SPEG: variants seen among roughly 807,000 people sequenced by gnomAD.
SPEG encodes the protein striated muscle preferentially expressed protein kinase.
In SPEG, 114 loss-of-function variants were observed where a neutral mutation model predicts 300.4. The ratio of observed to expected loss-of-function variants is 0.38; its 90% CI spans 0.33 to 0.44. The LOEUF (loss-of-function observed/expected upper bound fraction) is 0.44, where lower values mean the gene tolerates loss of function less well. SPEG is among the 20% of genes least tolerant of loss of function. SPEG has a pLI of 1.00. For missense variants in SPEG, 4,201 were observed against 4,586.2 expected (o/e 0.92, Z 2.43); for synonymous variants, 1,964 against 2,018.9 (o/e 0.97, Z 0.73).
chr2:219,462,986 T>G (rs546456858), intron 8 of SPEG, among the ~76,000 whole-genome samples: 2 of 152,000 alleles, frequency 1.3e-5, no homozygotes, highest in African/African-American at 4.8e-5. Context: ...GGAAGGAGGA[T>G]TGCTTGAGCC....
chr2:219,491,207 T>C (rs1004309418), intron 38 of SPEG, among the ~76,000 whole-genome samples: 3 of 152,226 alleles, frequency 2.0e-5, no homozygotes, highest in Non-Finnish European at 2.9e-5. Context: ...TTATAAATGC[T>C]AGAGGCAGGA....
At chr2:219,469,095 A>T (rs1440972915) in intron 12 of SPEG, 47 bp downstream of exon 12, 1 of 1,608,032 alleles carries the variant, frequency 6.2e-7, no homozygotes. Flanking sequence ...GTGAGGGGCC[A>T]GCCCAGCCCT....
rs764886342 is a variant in SPEG at position 219,448,345 on chromosome 2, C to T, written c.1187C>T (p.Ala396Val). 3 of 1,590,696 alleles carry T rather than the reference C, an allele frequency of 1.9e-6. No homozygotes were observed. Among genetic ancestry groups the T allele is most frequent in the Admixed American group, 3.5e-5 (2 of 56,476 alleles). ...GGCCGATCGCCTAGGCTGGTGCGCGCCGGCTCCCGCATCCTGGACAAGCTG... is the reference window on the plus strand; with the variant it reads ...GGCCGATCGCCTAGGCTGGTGCGCGTCGGCTCCCGCATCCTGGACAAGCTG... The part of the protein sequence containing the change: ...ALGRSPRLVR[A>V]GSRILDKLQF... Residue 396 changes from alanine to valine, a missense_variant, in exon 4 of 41, where the codon GCC becomes GTC. Transcript: ENST00000312358.
chr2:219,461,169 C>A, intron 6 of SPEG: 2 of 959,612 alleles, frequency 2.1e-6, no homozygotes, highest in Non-Finnish European at 2.5e-6. Context: ...GGACACCCCT[C>A]CCCCAAGGCT....
At chr2:219,474,032 A>T in intron 18 of SPEG, 129 bp downstream of exon 18, 1 of 858,958 alleles carries the variant, frequency 1.2e-6, no homozygotes, top group South Asian at 1.8e-5. Context: ...AGGCCTGTCC[A>T]TGTCATGGCT....
At chr2:219,471,813 C>A in intron 13 of SPEG, 55 bp from the exon 14 acceptor site, 1 of 1,607,558 alleles carries the variant, frequency 6.2e-7, no homozygotes. Context: ...CATGGGCCTA[C>A]CCCTCAAGGT....
chr2:219,479,086 C>G lies in SPEG; in HGVS notation c.5028-58C>G. The G allele has an allele frequency of 1.3e-6, 2 of 1,520,738 alleles. No homozygotes were observed. Among genetic ancestry groups the G allele is most frequent in the Non-Finnish European group, 1.8e-6 (2 of 1,099,566 alleles). 94.2% of individuals were successfully genotyped at this position (1,520,738 alleles called of 1,614,324 possible). Reference sequence around the variant, plus strand: ...GTGCTGAGCTGGGACCTGCCCTGAGCGCTGGGCTGGGCCGGGCAGTTGGCA... The same window carrying G: ...GTGCTGAGCTGGGACCTGCCCTGAGGGCTGGGCTGGGCCGGGCAGTTGGCA... On this transcript the variant is annotated intron_variant, in intron 22 of 40. Transcript: ENST00000312358. The surrounding 1 kb of genome is among the most constrained non-coding windows in gnomAD (Gnocchi z 5.5).
At chr2:219,469,497 G>A (rs1691681913) in intron 13 of SPEG, 118 bp downstream of exon 13, 1 of 832,918 alleles carries the variant, frequency 1.2e-6, no homozygotes, top group Non-Finnish European at 1.9e-6. Flanking sequence ...CCAGGGACAG[G>A]GTGCCTGGGG....
At position 219,477,551 on chromosome 2, in the gene SPEG, A is replaced by T; in HGVS notation, c.4729+106A>T. The T allele has an allele frequency of 7.2e-7, 1 of 1,392,006 alleles. No homozygotes were observed. Among genetic ancestry groups the T allele is most frequent in the Non-Finnish European group, 9.7e-7 (1 of 1,033,360 alleles). The allele number at this position is 1,392,006 out of a possible 1,614,324, so 86.2% of individuals were successfully genotyped here. On this transcript the variant is annotated intron_variant, in intron 20 of 40. Coordinates refer to ENST00000312358, the MANE Select transcript of SPEG (RefSeq NM_005876.5). The surrounding 1 kb of genome is among the most constrained non-coding windows in gnomAD (Gnocchi z 6.4). The stretch of plus-strand genomic sequence containing the variant: ...GCCAGCCCTGGACTCGAGCCACCAC[A>T]CCCCCAGCCCAGCACCCCGCCTTGA...
chr2:219,453,590 C>T (rs1166356282), intron 6 of SPEG, among the ~76,000 whole-genome samples: 2 of 152,214 alleles, frequency 1.3e-5, no homozygotes, highest in East Asian at 1.9e-4. Context: ...TTTCCCAGCC[C>T]CTGTGTCCTC....
chr2:219,485,526 C>T, intron 31 of SPEG, 49 bp downstream of exon 31: 1 of 1,493,686 alleles, frequency 6.7e-7, no homozygotes, highest in East Asian at 2.5e-5. Flanking sequence ...CCTGCCCTCC[C>T]CTACCCCCAT....
intron 9 of SPEG, chr2:219,465,912 C>A: frequency 1.5e-6 from 1 of 685,254 alleles, no homozygotes; most frequent in Non-Finnish European, 2.5e-6. Context: ...TGTGTGCATG[C>A]GTGTGTGTGT....
rs1300881753 is a variant in SPEG at position 219,476,994 on chromosome 2, C to T, written c.4560+12C>T. On this transcript the variant is annotated intron_variant, in intron 19 of 40. Transcript: ENST00000312358. ...TCATGTGGTACAAGGTCAGAGTGTG[C>T]TGCTGGCTGAGCCTGGGGGAGGGAG... 1 of 1,589,194 alleles carries T rather than the reference C, an allele frequency of 6.3e-7. No homozygotes were observed. Among genetic ancestry groups the T allele is most frequent in the Non-Finnish European group, 8.6e-7 (1 of 1,164,046 alleles).
In SPEG at chr2:219,451,562, A is replaced by G. The variant is rs1689749642; in HGVS notation, c.2258-63A>G. On this transcript the variant is annotated intron_variant, in intron 5 of 40. Coordinates refer to ENST00000312358, the MANE Select transcript of SPEG (RefSeq NM_005876.5). The surrounding 1 kb of genome is among the most constrained non-coding windows in gnomAD (Gnocchi z 6.4). Reference sequence around the variant, plus strand: ...TCTCCTGTGTGGTGTGTGGGGTAGGAGTAGAGATTCTCAGTGGGCGCCTGT... The same window carrying G: ...TCTCCTGTGTGGTGTGTGGGGTAGGGGTAGAGATTCTCAGTGGGCGCCTGT... 3 of 1,411,350 alleles carry G rather than the reference A, an allele frequency of 2.1e-6. No homozygotes were observed. Among genetic ancestry groups the G allele is most frequent in the Non-Finnish European group, 2.8e-6 (3 of 1,067,308 alleles). 87.4% of individuals were successfully genotyped at this position (1,411,350 alleles called of 1,614,324 possible). A position where few individuals can be genotyped will look rare whatever the true frequency, so the allele number is the denominator to read the frequency against.
rs528419763 is a variant in SPEG, at chr2:219,445,914, T to C, written c.815+753T>C. On this transcript the variant is annotated intron_variant, in intron 3 of 40. Coordinates refer to ENST00000312358, the MANE Select transcript of SPEG (RefSeq NM_005876.5). The surrounding 1 kb of genome is among the most constrained non-coding windows in gnomAD (Gnocchi z 6.1). ...GGAGGGGGTGTGAGGAGCGGAGGTG[T>C]TGGAGGCACTGGAGCCATTTTTGGA... is the stretch of plus-strand genomic sequence containing the variant. Among the ~76,000 whole-genome samples, 9 of 151,796 alleles carry C rather than the reference T, an allele frequency of 5.9e-5. No homozygotes were observed. The highest frequency in any genetic ancestry group is 3.9e-4 in the Admixed American group (6 of 15,254).
Position 219,461,996 on chromosome 2 carries a change from C to T in SPEG, c.2555C>T (p.Pro852Leu). Residue 852 changes from proline to leucine, a missense_variant, in exon 7 of 41, where the codon CCC (proline) becomes CTC (leucine). By Grantham distance (98) the Pro-to-Leu change is moderately conservative. Around this residue, in one of 4 missense-constraint regions of SPEG, gnomAD observed 1,258 missense variants for 1,293.9 expected, o/e 0.97. Transcript: ENST00000312358. ...ETWPRTPTMK[P>L]SPSQNRRSSD... is the part of the protein sequence containing the mutation. ...TGGCCGCGAACCCCCACCATGAAGC[C>T]CAGTCCCAGCCAGAACCGCCGTTCT... 1 of 1,613,302 alleles carries T rather than the reference C, an allele frequency of 6.2e-7. No homozygotes were observed.
Position 219,448,762 on chromosome 2 carries a change from T to C in SPEG, c.1604T>C (p.Leu535Pro). 2 of 1,458,956 alleles carry C rather than the reference T, an allele frequency of 1.4e-6. No homozygotes were observed. The highest frequency in any genetic ancestry group is 1.8e-6 in the Non-Finnish European group (2 of 1,112,030). The allele number at this position is 1,458,956 out of a possible 1,614,324, so 90.4% of individuals were successfully genotyped here. The change falls in exon 4 of 41, where the codon CTC (leucine) becomes CCC (proline). Residue 535 changes from leucine (L) to proline (P), a missense_variant. Leu to Pro is a moderately conservative substitution (Grantham distance 98). This residue lies in a region of SPEG where 1,258 missense variants were observed against 1,293.9 expected (regional missense o/e 0.97). Coordinates refer to ENST00000312358, the MANE Select transcript of SPEG (RefSeq NM_005876.5). Reference sequence around the variant, plus strand: ...CCTCGAGAGCCCGGCGAGCCCCCGCTCTTCTCTCGGCCCTCCACCCCCAAG... The same window carrying C: ...CCTCGAGAGCCCGGCGAGCCCCCGCCCTTCTCTCGGCCCTCCACCCCCAAG... ...PSPREPGEPP[L>P]FSRPSTPKTS...
rs757314993 is a variant in SPEG at position 219,476,926 on chromosome 2, G to T, written c.4504G>T (p.Ala1502Ser). Reference sequence around the variant, plus strand: ...CGTGGAGGTGGGGGCTGGGGAAACTGCTCGCTTTGCGGTGGTGGTCGAGGG... The same window carrying T: ...CGTGGAGGTGGGGGCTGGGGAAACTTCTCGCTTTGCGGTGGTGGTCGAGGG... ...EDVEVGAGET[A>S]RFAVVVEGKP... Residue 1502 changes from alanine to serine, a missense_variant, in exon 19 of 41, where the codon GCT (alanine) becomes TCT (serine). By Grantham distance (99) the Ala-to-Ser change is moderately conservative. Around this residue, in one of 4 missense-constraint regions of SPEG, gnomAD observed 1,047 missense variants for 1,356.8 expected, o/e 0.77. Transcript: ENST00000312358. The T allele has an allele frequency of 9.3e-6, 15 of 1,613,384 alleles. No homozygotes were observed. In the Admixed American group the frequency reaches 2.3e-4, roughly 25 times the overall value.
In SPEG at chr2:219,451,028, C is replaced by G. The variant is rs1435940985; in HGVS notation, c.2114-108C>G. 8.6e-7 allele frequency: 1 copy of G among 1,168,692 alleles called. No individual in the cohort carries two copies. Among genetic ancestry groups the G allele is most frequent in the East Asian group, 2.7e-5 (1 of 36,880 alleles). 72.4% of individuals were successfully genotyped at this position (1,168,692 alleles called of 1,614,324 possible). On this transcript the variant is annotated intron_variant, in intron 4 of 40. Transcript: ENST00000312358. The surrounding 1 kb of genome is among the most constrained non-coding windows in gnomAD (Gnocchi z 6.4). ...CCAAGTCCCTGCTTTCTAGAAGCCC[C>G]TCTGTCTGGGTTTGGCTTTCTAGGA...
Sources: gnomAD v4.1 joint callset for allele counts (sites outside exome capture counted in the v4.1 genomes callset) on GRCh38, gnomAD v4.1.1 for gene constraint, gnomAD v4.1.1 regional missense constraint, Gnocchi (gnomAD v3.1) non-coding constraint, MANE v1.5 for transcripts, NCBI Gene and HGNC (gene_info 2026-07-23, HGNC 2026-07-21) for gene names.